CTNNA2: variants seen among roughly 807,000 people sequenced by gnomAD.
CTNNA2 encodes catenin alpha-2.
CTNNA2 carries 42 observed loss-of-function variants against 101.0 expected under a neutral mutation model. The ratio of observed to expected loss-of-function variants is 0.42; its 90% CI spans 0.32 to 0.54. CTNNA2 has a LOEUF of 0.54. Among genes scored for constraint, CTNNA2 ranks in the 20% least tolerant of loss-of-function variants. The pLI is 0.14. For synonymous variants in CTNNA2, 450 were observed against 456.4 expected (o/e 0.99, Z 0.18); for missense variants, 871 against 1,223.1 (o/e 0.71, Z 4.29).
chr2:80,478,289 T>C (rs1399957141), intron 9 of CTNNA2, among the ~76,000 whole-genome samples: 3 of 152,214 alleles, frequency 2.0e-5, no homozygotes, highest in African/African-American at 7.2e-5. Context: ...AGATTCTGGA[T>C]ACTAGTCCTT....
At chr2:79,242,694 G>A (rs557995936) in intron 2 of CTNNA2, among the ~76,000 whole-genome samples, 3 of 152,088 alleles carry the variant, frequency 2.0e-5, no homozygotes, top group Admixed American at 2.0e-4. Context: ...TAGGCCAAGC[G>A]TGGTGGCTCA....
At chr2:79,312,410 C>T (rs1005113566) in intron 2 of CTNNA2, among the ~76,000 whole-genome samples, 2 of 152,130 alleles carry the variant, frequency 1.3e-5, no homozygotes, top group Non-Finnish European at 2.9e-5. Flanking sequence ...AGTGTGTATA[C>T]TCTGTCTTTC....
At chr2:79,664,334 G>A (rs1012237164) in intron 2 of CTNNA2, among the ~76,000 whole-genome samples, 2 of 152,102 alleles carry the variant, frequency 1.3e-5, no homozygotes, top group African/African-American at 4.8e-5. Context: ...AGGAATTTAT[G>A]AACCTTAAAT....
chr2:79,983,062 C>A (rs75409451), intron 7 of CTNNA2, among the ~76,000 whole-genome samples: 3 of 151,352 alleles, frequency 2.0e-5, no homozygotes, highest in African/African-American at 7.3e-5. Context: ...AATCCTGCCC[C>A]CAAATTACAC....
At chr2:80,136,051 C>T (rs1702676766) in intron 7 of CTNNA2, among the ~76,000 whole-genome samples, 1 of 152,128 alleles carries the variant, frequency 6.6e-6, no homozygotes, top group Non-Finnish European at 1.5e-5. Context: ...TAAACTTAAT[C>T]TCCTGGGCTT....
intron 4 of CTNNA2, among the ~76,000 whole-genome samples, chr2:79,437,232 C>A (rs79244599): frequency 5.1e-4 from 71 of 140,374 alleles, no homozygotes; most frequent in Admixed American, 7.1e-4. Flanking sequence ...GAAACTGTCT[C>A]AAAAAAAAAA....
Position 80,314,591 on chromosome 2 carries a change from G to A in CTNNA2, c.1057-78620G>A, listed in dbSNP as rs183416461. On this transcript the variant is annotated intron_variant, in intron 7 of 18. Transcript: ENST00000402739. ...AATATGGTTGATCCTGATAGATTTG[G>A]AGAGGACATTGGATGGTCAAGATCA... Among the ~76,000 whole-genome samples, 429 of 152,306 alleles carry A rather than the reference G, an allele frequency of 2.8e-3. 3 individuals carry two copies. The highest frequency in any genetic ancestry group is 3.3e-3 in the Non-Finnish European group (225 of 68,032).
At chr2:79,301,634 G>GC (rs894498649) in intron 2 of CTNNA2, among the ~76,000 whole-genome samples, 2 of 151,904 alleles carry the variant, frequency 1.3e-5, no homozygotes, top group African/African-American at 4.8e-5. Flanking sequence ...ATACCATATT[G>GC]CCCCACTACC....
chr2:79,452,778 C>T (rs1042407026), intron 4 of CTNNA2, among the ~76,000 whole-genome samples: 5 of 152,044 alleles, frequency 3.3e-5, no homozygotes, highest in Non-Finnish European at 7.4e-5. Context: ...GCATTCACAT[C>T]CCATTTATAA....
rs543060580 is a variant in CTNNA2 at position 80,471,608 on chromosome 2, C to T, written c.1290+52007C>T. 8.1e-4 allele frequency among the ~76,000 whole-genome samples: 123 copies of T among 152,248 alleles called. 1 individual carries two copies. The highest frequency in any genetic ancestry group is 1.4e-3 in the Non-Finnish European group (93 of 68,026). On this transcript the variant is annotated intron_variant, in intron 9 of 18. Coordinates refer to ENST00000402739, the MANE Select transcript of CTNNA2 (RefSeq NM_001282597.3). ...GAGTGGTATTAAAACAAAGGTTTAC[C>T]TAATTTCCAGTTTAACTCATGGATA...
In CTNNA2 at chr2:79,611,257, C is replaced by T. The variant is rs755728736; in HGVS notation, c.-5-40295C>T. Among the ~76,000 whole-genome samples the T allele has an allele frequency of 8.6e-5, 13 of 152,032 alleles. No homozygotes were observed. In the East Asian group the frequency reaches 9.6e-4, roughly 11 times the overall value. On this transcript the variant is annotated intron_variant, in intron 1 of 18. Transcript: ENST00000402739. ...TAAAATGTTTAAAATGAATTTGGCA[C>T]GCTTAATATCTTTTTAATCTTGAGG... is the stretch of plus-strand genomic sequence containing the variant.
chr2:80,267,642 A>AT lies in CTNNA2; in HGVS notation c.1057-125568dup, dbSNP rs1673108899. The stretch of plus-strand genomic sequence containing the variant: ...GAGACGATTCGCTCTAAATGAGAAC[A>AT]TAAAAAAAGGGTTCCTGGGCTGGTC... On this transcript the variant is annotated intron_variant, in intron 7 of 18. Coordinates refer to ENST00000402739, the MANE Select transcript of CTNNA2 (RefSeq NM_001282597.3). Among the ~76,000 whole-genome samples, 3 of 152,222 alleles carry AT rather than the reference A, an allele frequency of 2.0e-5. No individual in the cohort carries two copies. The South Asian group carries it at 6.2e-4, about 31-fold the overall frequency.
At chr2:80,291,597 T>A (rs1226725596) in intron 7 of CTNNA2, among the ~76,000 whole-genome samples, 2 of 152,202 alleles carry the variant, frequency 1.3e-5, no homozygotes, top group African/African-American at 2.4e-5. Context: ...CAGCTGAAGA[T>A]GTATGCTTAG....
chr2:79,483,540 G>C (rs1475495348), intron 4 of CTNNA2, among the ~76,000 whole-genome samples: 2 of 152,010 alleles, frequency 1.3e-5, no homozygotes, highest in African/African-American at 4.8e-5. Context: ...CCATGGGCTG[G>C]TGGACCGAGG....
At chr2:79,511,214 T>C (rs1419797941), upstream of CTNNA2, among the ~76,000 whole-genome samples, 1 of 152,250 alleles carries the variant, frequency 6.6e-6, no homozygotes, top group Non-Finnish European at 1.5e-5. Context: ...GCCTCTGGAA[T>C]GACACTGTAT....
chr2:80,367,847 T>C (rs1019409024), intron 7 of CTNNA2, among the ~76,000 whole-genome samples: 31 of 152,080 alleles, frequency 2.0e-4, no homozygotes, highest in African/African-American at 7.2e-4. Context: ...TTCAGCTGAG[T>C]AGGATATCAG....
intron 3 of CTNNA2, among the ~76,000 whole-genome samples, chr2:79,842,690 G>C (rs958225480): frequency 6.6e-6 from 1 of 151,274 alleles, no homozygotes; most frequent in Non-Finnish European, 1.5e-5. Context: ...AAATTTAGCC[G>C]TAGTTTTGGG....
chr2:80,306,450 T>TTCTCTC (rs765222009), intron 7 of CTNNA2, among the ~76,000 whole-genome samples: 23 of 125,020 alleles, frequency 1.8e-4, no homozygotes, highest in East Asian at 1.8e-3. Context: ...CTTTCTTTCT[T>TTCTCTC]TCTCTCTCTC....
At chr2:79,556,080 T>C (rs1221849049) in intron 1 of CTNNA2, among the ~76,000 whole-genome samples, 10 of 152,118 alleles carry the variant, frequency 6.6e-5, no homozygotes, top group Admixed American at 3.9e-4. Flanking sequence ...CTTATTTTTA[T>C]GATTGAGTAA....
Sources: gnomAD v4.1 joint callset for allele counts (sites outside exome capture counted in the v4.1 genomes callset) on GRCh38, gnomAD v4.1.1 for gene constraint, MANE v1.5 for transcripts, NCBI Gene and HGNC (gene_info 2026-07-23, HGNC 2026-07-21) for gene names.